Variants in ENPP6 observed in about 807,000 individuals in gnomAD.
ENPP6 encodes glycerophosphocholine cholinephosphodiesterase ENPP6.
Under a neutral mutation model 42.0 loss-of-function variants are expected in ENPP6, and 32 were observed. That is an observed-to-expected ratio of 0.76 (90% confidence interval 0.58 to 1.02). ENPP6 has a LOEUF of 1.02. Among genes scored for constraint, ENPP6 ranks in the 50% least tolerant of loss-of-function variants. The pLI is 0.00. For synonymous variants in ENPP6, 213 were observed against 216.0 expected (o/e 0.99, Z 0.12); for missense variants, 552 against 566.8 (o/e 0.97, Z 0.27).
chr4:184,108,828 T>G (rs1444574373), intron 6 of ENPP6, among the ~76,000 whole-genome samples: 6 of 152,278 alleles, frequency 3.9e-5, no homozygotes, highest in Non-Finnish European at 8.8e-5. Flanking sequence ...GTTATGTTAA[T>G]GGAACTGATT....
At chr4:184,214,707 C>T (rs918613224) in intron 1 of ENPP6, among the ~76,000 whole-genome samples, 8 of 152,182 alleles carry the variant, frequency 5.3e-5, no homozygotes, top group African/African-American at 1.9e-4. Context: ...TAGAAGCCAT[C>T]ATTTTCAGCA....
At chr4:184,207,978 T>C (rs927190788) in intron 1 of ENPP6, among the ~76,000 whole-genome samples, 7 of 152,200 alleles carry the variant, frequency 4.6e-5, no homozygotes, top group Admixed American at 2.6e-4. Context: ...TATACTGTCA[T>C]ATTGGAATAG....
At chr4:184,162,915 G>C (rs1737290373) in intron 1 of ENPP6, among the ~76,000 whole-genome samples, 2 of 152,006 alleles carry the variant, frequency 1.3e-5, no homozygotes, top group Non-Finnish European at 2.9e-5. Context: ...AGGAATGGCA[G>C]CAGCGTGCCA....
At chr4:184,206,607 G>A (rs1035066737) in intron 1 of ENPP6, among the ~76,000 whole-genome samples, 3 of 152,098 alleles carry the variant, frequency 2.0e-5, no homozygotes, top group Admixed American at 6.5e-5. Flanking sequence ...CTCGAAACAC[G>A]ATTGTTCAAG....
Position 184,112,416 on chromosome 4 carries a change from G to A in ENPP6, c.993+256C>T, listed in dbSNP as rs115245042. ...GTTACATTGTAAGCCGGGTAATCGA[G>A]TTAATGCCCGTTTGTTAAAACACAG... On this transcript the variant is annotated intron_variant, in intron 6 of 7. Coordinates refer to ENST00000296741, the MANE Select transcript of ENPP6 (RefSeq NM_153343.4). Among the ~76,000 whole-genome samples, 279 of 152,324 alleles carry A rather than the reference G, an allele frequency of 1.8e-3. 2 individuals are homozygous for A. Among genetic ancestry groups the A allele is most frequent in the African/African-American group, 6.4e-3 (265 of 41,566 alleles).
intron 1 of ENPP6, among the ~76,000 whole-genome samples, chr4:184,199,247 T>C: frequency 6.6e-6 from 1 of 152,138 alleles, no homozygotes; most frequent in East Asian, 1.9e-4. Flanking sequence ...TTACCCATCT[T>C]CCCTCTTTGG....
chr4:184,112,944 T>C (rs528531843), intron 5 of ENPP6, 135 bp from the exon 6 acceptor site: 34 of 1,082,342 alleles, frequency 3.1e-5, no homozygotes, highest in South Asian at 3.1e-4. Context: ...GATTTGAATA[T>C]GTAAAAACAA....
At chr4:184,128,023 C>CA (rs1736534080) in intron 2 of ENPP6, among the ~76,000 whole-genome samples, 1 of 151,858 alleles carries the variant, frequency 6.6e-6, no homozygotes, top group South Asian at 2.1e-4. Context: ...TACAGAACAG[C>CA]ATAGCTTTTG....
chr4:184,144,065 G>A (rs547606824), intron 2 of ENPP6, among the ~76,000 whole-genome samples: 68 of 152,264 alleles, frequency 4.5e-4, no homozygotes, highest in African/African-American at 7.5e-4. Context: ...AGGGCCCCCC[G>A]GGCCCCCAAG....
intron 1 of ENPP6, among the ~76,000 whole-genome samples, chr4:184,156,725 A>G (rs1003079043): frequency 1.3e-5 from 2 of 152,174 alleles, no homozygotes; most frequent in Non-Finnish European, 2.9e-5. Context: ...TCTCAGAGAG[A>G]GCTCCTGGAA....
chr4:184,103,235 G>A (rs1736034862), intron 6 of ENPP6, among the ~76,000 whole-genome samples: 1 of 152,222 alleles, frequency 6.6e-6, no homozygotes, highest in Admixed American at 6.5e-5. Context: ...TACACATTTT[G>A]ACTATTGTGT....
At chr4:184,153,803 T>C in intron 1 of ENPP6, 70 bp from the exon 2 acceptor site, 1 of 1,534,932 alleles carries the variant, frequency 6.5e-7, no homozygotes, top group Non-Finnish European at 8.8e-7. Context: ...TGTTTCTTGA[T>C]CATATAAGCC....
chr4:184,118,092 G>C (rs1160571119), intron 3 of ENPP6, among the ~76,000 whole-genome samples, 192 bp from the exon 4 acceptor site: 1 of 152,202 alleles, frequency 6.6e-6, no homozygotes, highest in Non-Finnish European at 1.5e-5. Context: ...AAGAATTGCT[G>C]GTCCTGAGCA....
At chr4:184,191,187 G>C (rs1305156182) in intron 1 of ENPP6, among the ~76,000 whole-genome samples, 1 of 152,214 alleles carries the variant, frequency 6.6e-6, no homozygotes, top group African/African-American at 2.4e-5. Flanking sequence ...ATGTTGTGGG[G>C]AGCACAGGAT....
chr4:184,132,594 CT>C (rs1736656171), intron 2 of ENPP6, among the ~76,000 whole-genome samples: 1 of 20,066 alleles, frequency 5.0e-5, no homozygotes, highest in Non-Finnish European at 1.4e-4. Context: ...AAGAAATATT[CT>C]TCTTATCTAA....
intron 1 of ENPP6, among the ~76,000 whole-genome samples, chr4:184,176,774 A>C (rs1737569739): frequency 6.6e-6 from 1 of 152,214 alleles, no homozygotes; most frequent in Admixed American, 6.5e-5. Context: ...AAAGCATAAG[A>C]GAGAACTATC....
Position 184,117,839 on chromosome 4 carries a change from A to G in ENPP6, c.595T>C (p.Tyr199His), listed in dbSNP as rs1186818138. 6.2e-7 allele frequency: 1 copy of G among 1,614,114 alleles called. No individual in the cohort carries two copies. Among genetic ancestry groups the G allele is most frequent in the Non-Finnish European group, 8.5e-7 (1 of 1,180,058 alleles). The stretch of plus-strand genomic sequence containing the variant: ...TTCCTCTGCGGAGATGCAGGCCCGT[A>G]GTGGTGGCCTTCCACGTCAATGCGC... The part of the protein sequence containing the change: ...HERIDVEGHH[Y>H]GPASPQRKDA... The change falls in exon 4 of 8, where the codon TAC (tyrosine) becomes CAC (histidine). Residue 199 changes from tyrosine (Y) to histidine (H), a missense_variant. This residue lies in a region of ENPP6 where 545 missense variants were observed against 546.3 expected (regional missense o/e 1.00). Transcript: ENST00000296741.
At chr4:184,196,228 C>A (rs1006374251) in intron 1 of ENPP6, among the ~76,000 whole-genome samples, 3 of 152,228 alleles carry the variant, frequency 2.0e-5, no homozygotes, top group African/African-American at 7.2e-5. Flanking sequence ...GTCGCCTCAG[C>A]GAACCTTCCC....
At chr4:184,132,924 G>T (rs1736664379) in intron 2 of ENPP6, among the ~76,000 whole-genome samples, 2 of 151,052 alleles carry the variant, frequency 1.3e-5, no homozygotes, top group Admixed American at 1.3e-4. Flanking sequence ...GAGTGTCACG[G>T]TCATAAATCA....
Sources: allele counts gnomAD v4.1 joint callset (sites outside exome capture counted in the v4.1 genomes callset), GRCh38; gene constraint gnomAD v4.1.1; regional missense constraint gnomAD v4.1.1; transcripts MANE v1.5; gene names NCBI Gene and HGNC (gene_info 2026-07-23, HGNC 2026-07-21).